Variants in NAA25 observed in about 807,000 individuals in gnomAD.
NAA25 encodes N-terminal acetyltransferase B complex subunit NAA25.
Under a neutral mutation model 132.5 loss-of-function variants are expected in NAA25, and 30 were observed. The observed-to-expected ratio is 0.23, with a 90% CI of 0.17 to 0.31. NAA25 has a LOEUF of 0.31. NAA25 is among the 10% of genes least tolerant of loss of function. The pLI, the probability that NAA25 is intolerant of heterozygous loss-of-function variation, is 1.00. For synonymous variants in NAA25, 359 were observed against 401.9 expected (o/e 0.89, Z 1.28); for missense variants, 771 against 1,150.4 (o/e 0.67, Z 4.77).
chr12:112,055,078 T>C (rs947555535), intron 13 of NAA25, among the ~76,000 whole-genome samples: 9 of 152,232 alleles, frequency 5.9e-5, no homozygotes, highest in African/African-American at 2.2e-4. Context: ...AAGGTACATG[T>C]ATCTCTAGTC....
At position 112,029,300 on chromosome 12, in the gene NAA25, A is replaced by G; in HGVS notation, c.*231T>C. 1 of 533,670 alleles carries G rather than the reference A, an allele frequency of 1.9e-6. No homozygotes were observed. The highest frequency in any genetic ancestry group is 2.8e-5 in the South Asian group (1 of 36,362). 33.1% of individuals were successfully genotyped at this position (533,670 alleles called of 1,614,324 possible). A position where few individuals can be genotyped will look rare whatever the true frequency, so the allele number is the denominator to read the frequency against. On this transcript the variant is annotated 3_prime_UTR_variant, in exon 24 of 24. Transcript: ENST00000261745. ...TCTTGTTGCTGCCATATGCATATGA[A>G]CATGTATAAAAAGTGGTCAAACCCA...
chr12:112,043,908 T>C, intron 17 of NAA25, 40 bp from the exon 18 acceptor site: 1 of 1,572,076 alleles, frequency 6.4e-7, no homozygotes, highest in South Asian at 1.2e-5. Context: ...ACTTATTCAA[T>C]ATTCAATCCA....
chr12:112,059,365 C>T (rs949151192), intron 13 of NAA25, among the ~76,000 whole-genome samples: 2 of 152,074 alleles, frequency 1.3e-5, no homozygotes, highest in East Asian at 3.9e-4. Context: ...CCCTTTGTTT[C>T]TTCTATAGTT....
At chr12:112,061,421 C>A (rs1367310860) in intron 11 of NAA25, 33 bp from the exon 12 acceptor site, 1 of 1,466,036 alleles carries the variant, frequency 6.8e-7, no homozygotes, top group East Asian at 2.3e-5. Context: ...GCAAAGGTCT[C>A]AAAACACAAC....
chr12:112,089,006 T>C (rs2136924318), intron 3 of NAA25, among the ~76,000 whole-genome samples: 1 of 152,292 alleles, frequency 6.6e-6, no homozygotes, highest in South Asian at 2.1e-4. Flanking sequence ...ATGATTTTTT[T>C]TAAAACACTG....
chr12:112,052,181 G>A (rs182581129), intron 15 of NAA25, among the ~76,000 whole-genome samples: 97 of 152,192 alleles, frequency 6.4e-4, no homozygotes, highest in Non-Finnish European at 1.1e-3. Context: ...TTGAAAACAG[G>A]AGGGCAAGTA....
intron 10 of NAA25, among the ~76,000 whole-genome samples, chr12:112,069,497 C>T (rs1328638734): frequency 6.6e-6 from 1 of 152,028 alleles, no homozygotes; most frequent in African/African-American, 2.4e-5. Flanking sequence ...AGCAAGACTC[C>T]ATTCAAAAAT....
rs1463974448 is a variant in NAA25, at chr12:112,040,595, T to C, written c.2441-17A>G. The C allele has an allele frequency of 1.8e-5, 25 of 1,413,696 alleles. No individual in the cohort carries two copies. The highest frequency in any genetic ancestry group is 2.5e-5 in the Non-Finnish European group (25 of 1,015,090). The allele number at this position is 1,413,696 out of a possible 1,614,324, so 87.6% of individuals were successfully genotyped here. On this transcript the variant is annotated splice_polypyrimidine_tract_variant and intron_variant, in intron 20 of 23. Coordinates refer to ENST00000261745, the MANE Select transcript of NAA25 (RefSeq NM_024953.4). ...TGAAGACATCTGAAAACAAAAAACA[T>C]TTTAGTTTTATTCAGCTTTTGTTTC...
intron 15 of NAA25, among the ~76,000 whole-genome samples, chr12:112,051,082 T>C (rs1436436592): frequency 6.6e-6 from 1 of 152,168 alleles, no homozygotes; most frequent in Non-Finnish European, 1.5e-5. Flanking sequence ...AAGCACAAGG[T>C]TGAACACACA....
chr12:112,047,704 C>G lies in NAA25; in HGVS notation c.1967G>C (p.Arg656Thr). The change falls in exon 17 of 24, where the codon AGA becomes ACA. Residue 656 changes from arginine to threonine, a missense_variant. By Grantham distance (71) the Arg-to-Thr change is moderately conservative. Around this residue, in one of 3 missense-constraint regions of NAA25, gnomAD observed 324 missense variants for 400.0 expected, o/e 0.81. Transcript: ENST00000261745. Reference sequence around the variant, plus strand: ...CCAGCTGAAAAAAACATTTAAGTCTCTGTTGTCTCGCAAATCTTCCCATGG... The same window carrying G: ...CCAGCTGAAAAAAACATTTAAGTCTGTGTTGTCTCGCAAATCTTCCCATGG... The part of the protein sequence containing the change: ...DIPWEDLRDN[R>T]DLNVFFSWDP... 6.2e-7 allele frequency: 1 copy of G among 1,614,064 alleles called. No homozygotes were observed. Among genetic ancestry groups the G allele is most frequent in the Non-Finnish European group, 8.5e-7 (1 of 1,180,002 alleles).
chr12:112,042,322 C>G (rs1395716377), intron 19 of NAA25: 1 of 267,984 alleles, frequency 3.7e-6, no homozygotes, highest in Non-Finnish European at 6.9e-6. Context: ...GCCAGAGGTA[C>G]TACCTAAAAT....
intron 8 of NAA25, 97 bp downstream of exon 8, chr12:112,075,581 T>C (rs2078883903): frequency 1.0e-6 from 1 of 967,276 alleles, no homozygotes; most frequent in Non-Finnish European, 1.6e-6. Context: ...GAAGACTTTA[T>C]GCCCAGAAAC....
intron 1 of NAA25, among the ~76,000 whole-genome samples, chr12:112,105,978 G>A (rs1333590876): frequency 2.0e-5 from 3 of 152,206 alleles, no homozygotes; most frequent in African/African-American, 7.2e-5. Flanking sequence ...TTGTCAGAAT[G>A]TCTGAATTCA....
intron 4 of NAA25, 63 bp from the exon 5 acceptor site, chr12:112,081,197 G>T: frequency 7.3e-7 from 1 of 1,365,248 alleles, no homozygotes; most frequent in Non-Finnish European, 1.0e-6. Flanking sequence ...TAATGATCTA[G>T]ATACACGACA....
chr12:112,046,261 C>T (rs2078379559), intron 17 of NAA25, among the ~76,000 whole-genome samples: 1 of 152,228 alleles, frequency 6.6e-6, no homozygotes, highest in African/African-American at 2.4e-5. Flanking sequence ...AACATTCCAC[C>T]TGTGTTACTG....
At chr12:112,099,615 C>T (rs576889143) in intron 1 of NAA25, among the ~76,000 whole-genome samples, 1 of 152,158 alleles carries the variant, frequency 6.6e-6, no homozygotes, top group East Asian at 1.9e-4. Context: ...TGAATGAACG[C>T]ACAAGCTGCA....
chr12:112,073,269 C>T (rs1253919464), intron 9 of NAA25, among the ~76,000 whole-genome samples: 5 of 151,682 alleles, frequency 3.3e-5, no homozygotes, highest in Admixed American at 3.3e-4. Context: ...AATACACACA[C>T]ACACACACAC....
At position 112,043,750 on chromosome 12, in the gene NAA25, G is replaced by A; in HGVS notation, c.2125C>T (p.Pro709Ser). Residue 709 changes from proline to serine, a missense_variant, in exon 18 of 24, where the codon CCA becomes TCA. Pro to Ser is a moderately conservative substitution (Grantham distance 74, BLOSUM62 -1). This residue lies in a region of NAA25 where 324 missense variants were observed against 400.0 expected (regional missense o/e 0.81). Transcript: ENST00000261745. ...GLPSLNHPVEPKNSEKTAENG... is the reference protein window; with the variant it reads ...GLPSLNHPVESKNSEKTAENG... ...TCGGCAGTCTTCTCCGAGTTCTTTG[G>A]CTCCACAGGGTGGTTGAGACTTGGA... is the stretch of plus-strand genomic sequence containing the variant. 1 of 1,614,062 alleles carries A rather than the reference G, an allele frequency of 6.2e-7. No homozygotes were observed. The highest frequency in any genetic ancestry group is 1.1e-5 in the South Asian group (1 of 91,078).
At chr12:112,067,232 A>G (rs2078731690) in intron 11 of NAA25, among the ~76,000 whole-genome samples, 1 of 152,210 alleles carries the variant, frequency 6.6e-6, no homozygotes, top group East Asian at 1.9e-4. Context: ...GAAACAAGAC[A>G]TTAAAAGGAG....
Sources: gnomAD v4.1 joint callset for allele counts (sites outside exome capture counted in the v4.1 genomes callset) on GRCh38, gnomAD v4.1.1 for gene constraint, gnomAD v4.1.1 regional missense constraint, MANE v1.5 for transcripts, NCBI Gene and HGNC (gene_info 2026-07-23, HGNC 2026-07-21) for gene names.